ADARB2: variants seen among roughly 807,000 people sequenced by gnomAD.
ADARB2 encodes inactive double-stranded RNA-specific editase B2.
In ADARB2, 25 loss-of-function variants were observed where a neutral mutation model predicts 62.2. That is an observed-to-expected ratio of 0.40 (90% CI 0.29 to 0.56). The LOEUF (loss-of-function observed/expected upper bound fraction) is 0.56, where lower values mean the gene tolerates loss of function less well. Ranked by LOEUF, ADARB2 falls within the 20% of genes least tolerant of loss-of-function variation. The pLI, the probability that ADARB2 is intolerant of heterozygous loss-of-function variation, is 0.43. For synonymous variants in ADARB2, 572 were observed against 500.8 expected (o/e 1.14, Z -1.90); for missense variants, 1,071 against 1,077.4 (o/e 0.99, Z 0.08).
At chr10:1,229,692 G>GCACATGTGCTTGTGTTTGTGCA (rs796494899) in intron 6 of ADARB2, among the ~76,000 whole-genome samples, 6 of 151,558 alleles carry the variant, frequency 4.0e-5, no homozygotes, top group Middle Eastern at 3.4e-3. Context: ...GTTTGTGTGT[G>GCACATGTGCTTGTGTTTGTGCA]CACATGTGCT....
intron 6 of ADARB2, among the ~76,000 whole-genome samples, chr10:1,220,388 A>G (rs923149140): frequency 1.8e-4 from 27 of 149,378 alleles, no homozygotes; most frequent in South Asian, 4.3e-4. Flanking sequence ...GGTGGTGGTG[A>G]TGATGGTGAT....
chr10:1,258,089 T>G (rs1276477152), intron 4 of ADARB2, among the ~76,000 whole-genome samples: 1 of 152,210 alleles, frequency 6.6e-6, no homozygotes, highest in Non-Finnish European at 1.5e-5. Flanking sequence ...AGCTTCTTTC[T>G]TCCTTCTCCT....
chr10:1,639,033 T>C (rs1833947272), intron 1 of ADARB2, among the ~76,000 whole-genome samples: 1 of 152,210 alleles, frequency 6.6e-6, no homozygotes, highest in African/African-American at 2.4e-5. Flanking sequence ...CATACCCTCA[T>C]CATGGTACAA....
intron 7 of ADARB2, among the ~76,000 whole-genome samples, chr10:1,215,230 G>A (rs1438063525): frequency 3.3e-5 from 5 of 152,246 alleles, no homozygotes; most frequent in Non-Finnish European, 5.9e-5. Flanking sequence ...GCATATGGCA[G>A]GTGCCTGTCC....
chr10:1,531,891 C>A (rs550346096), intron 1 of ADARB2, among the ~76,000 whole-genome samples: 6 of 152,090 alleles, frequency 3.9e-5, no homozygotes, highest in Non-Finnish European at 7.4e-5. Flanking sequence ...CTCCTAACAA[C>A]ACACGTGGTC....
chr10:1,200,319 G>C, intron 7 of ADARB2, 172 bp from the exon 8 acceptor site: 1 of 812,834 alleles, frequency 1.2e-6, no homozygotes, highest in Non-Finnish European at 2.1e-6. Context: ...TGGGGCTCTG[G>C]GGACACTGTT....
At chr10:1,456,000 G>A (rs750382887) in intron 1 of ADARB2, among the ~76,000 whole-genome samples, 4 of 152,148 alleles carry the variant, frequency 2.6e-5, no homozygotes, top group Non-Finnish European at 2.9e-5. Context: ...TGGTTGAAAA[G>A]TTTCACTTAT....
chr10:1,638,217 A>T (rs1833937800), intron 1 of ADARB2, among the ~76,000 whole-genome samples: 3 of 152,224 alleles, frequency 2.0e-5, no homozygotes, highest in Non-Finnish European at 4.4e-5. Context: ...ATTACACTTC[A>T]ATATATGGAA....
intron 1 of ADARB2, among the ~76,000 whole-genome samples, chr10:1,518,386 G>A (rs1015934402): frequency 1.3e-5 from 2 of 152,150 alleles, no homozygotes; most frequent in African/African-American, 4.8e-5. Context: ...GTACCTGTTT[G>A]CCTTGGAATG....
At chr10:1,705,464 C>T (rs1322970061) in intron 1 of ADARB2, among the ~76,000 whole-genome samples, 7 of 152,124 alleles carry the variant, frequency 4.6e-5, no homozygotes, top group Non-Finnish European at 7.4e-5. Flanking sequence ...GGAGGAGAGG[C>T]GGCAGATGGG....
At chr10:1,736,823 C>T (rs928741670) in intron 1 of ADARB2, among the ~76,000 whole-genome samples, 1 of 152,240 alleles carries the variant, frequency 6.6e-6, no homozygotes, top group African/African-American at 2.4e-5. Context: ...GTCCGGGTCC[C>T]TCAAACATGT....
At chr10:1,710,708 T>C (rs1285719487) in intron 1 of ADARB2, among the ~76,000 whole-genome samples, 1 of 152,210 alleles carries the variant, frequency 6.6e-6, no homozygotes, top group African/African-American at 2.4e-5. Context: ...GTTGGGCACC[T>C]GACTGTGAGC....
chr10:1,485,357 G>C (rs1220788381), intron 1 of ADARB2, among the ~76,000 whole-genome samples: 1 of 152,084 alleles, frequency 6.6e-6, no homozygotes, highest in Non-Finnish European at 1.5e-5. Flanking sequence ...CAGATGTGTA[G>C]GTAGATTTGT....
chr10:1,544,895 A>G (rs1168638264), intron 1 of ADARB2, among the ~76,000 whole-genome samples: 1 of 151,816 alleles, frequency 6.6e-6, no homozygotes, highest in African/African-American at 2.4e-5. Context: ...TCTACATTAT[A>G]TATAAAGTCT....
intron 1 of ADARB2, among the ~76,000 whole-genome samples, chr10:1,429,432 C>G (rs1159753931): frequency 6.6e-6 from 1 of 152,168 alleles, no homozygotes; most frequent in Admixed American, 6.5e-5. Context: ...CTTTAGTATG[C>G]AGATGGAAAT....
chr10:1,655,418 C>A (rs1192104188), intron 1 of ADARB2, among the ~76,000 whole-genome samples: 1 of 152,202 alleles, frequency 6.6e-6, no homozygotes, highest in African/African-American at 2.4e-5. Context: ...CTTTTCCGGG[C>A]TGAGTTTTCT....
chr10:1,531,238 T>A (rs1178265557), intron 1 of ADARB2, among the ~76,000 whole-genome samples: 2 of 152,124 alleles, frequency 1.3e-5, no homozygotes, highest in South Asian at 4.1e-4. Flanking sequence ...GCCGAACAGG[T>A]CTTGCCTTTT....
At chr10:1,269,359 G>A (rs998756799) in intron 4 of ADARB2, among the ~76,000 whole-genome samples, 1 of 152,112 alleles carries the variant, frequency 6.6e-6, no homozygotes, top group South Asian at 2.1e-4. Flanking sequence ...GTAGGCATTT[G>A]GTCTCTTGTT....
In ADARB2 at chr10:1,362,886, C is replaced by T. The variant is rs78666830; in HGVS notation, c.1077+142G>A. ...TCTCCCATCAATCACCTCACCAGGC[C>T]GGGAGACATTCTTTCCCCTCCCGCT... On this transcript the variant is annotated intron_variant, in intron 3 of 9. Transcript: ENST00000381312. 2,157 of 835,208 alleles carry T rather than the reference C, an allele frequency of 2.6e-3. 37 individuals are homozygous for T. In the African/African-American group the frequency reaches 0.033, roughly 13 times the overall value. 51.7% of individuals were successfully genotyped at this position (835,208 alleles called of 1,614,324 possible).
Sources: allele counts gnomAD v4.1 joint callset (sites outside exome capture counted in the v4.1 genomes callset), GRCh38; gene constraint gnomAD v4.1.1; transcripts MANE v1.5; gene names NCBI Gene and HGNC (gene_info 2026-07-23, HGNC 2026-07-21).